The following CCDC15 variants were observed in gnomAD, a reference collection of about 807,000 sequenced individuals.
CCDC15 encodes coiled-coil domain-containing protein 15.
In CCDC15, 105 loss-of-function variants were observed where a neutral mutation model predicts 114.5. That is an observed-to-expected ratio of 0.92 (90% CI 0.78 to 1.08). CCDC15 has a LOEUF of 1.08. Ranked by LOEUF, CCDC15 falls within the 50% of genes least tolerant of loss-of-function variation. CCDC15 has a pLI of 0.00. For synonymous variants in CCDC15, 334 were observed against 377.8 expected, an observed-to-expected ratio of 0.88 and a Z score of 1.34; for missense variants, 1,105 against 1,093.6, an observed-to-expected ratio of 1.01 and a Z score of -0.15.
intron 4 of CCDC15, among the ~76,000 whole-genome samples, chr11:124,974,115 C>T (rs1170331036): frequency 6.6e-6 from 1 of 152,140 alleles, no homozygotes; most frequent in Non-Finnish European, 1.5e-5. Flanking sequence ...GCTGGGATTA[C>T]AGGTGTGCAC....
At chr11:124,964,767 G>A (rs1296018077) in intron 4 of CCDC15, among the ~76,000 whole-genome samples, 1 of 152,142 alleles carries the variant, frequency 6.6e-6, no homozygotes, top group Non-Finnish European at 1.5e-5. Context: ...GTATGATATT[G>A]GCTGTAGGTT....
intron 2 of CCDC15, among the ~76,000 whole-genome samples, chr11:124,956,512 G>A (rs1460936698): frequency 6.6e-6 from 1 of 152,024 alleles, no homozygotes; most frequent in Non-Finnish European, 1.5e-5. Flanking sequence ...GTAAGATTTG[G>A]TATAAAGATA....
intron 13 of CCDC15, among the ~76,000 whole-genome samples, chr11:125,025,859 G>C (rs1948698653): frequency 6.6e-6 from 1 of 152,012 alleles, no homozygotes; most frequent in South Asian, 2.1e-4. Flanking sequence ...TTATCAGCCT[G>C]ACTTAAGATT....
In CCDC15 at chr11:124,987,455, A is replaced by G. The variant is rs573462982; in HGVS notation, c.1229A>G (p.Gln410Arg). ...LEEGSIVLKT[Q>R]DFLPTNQALL... ...GAAGGGAGTATTGTGTTGAAAACCC[A>G]GGATTTTCTACCCACAAATCAGGCT... is the stretch of plus-strand genomic sequence containing the variant. The change falls in exon 8 of 16, where the codon CAG (glutamine) becomes CGG (arginine). Residue 410 changes from glutamine to arginine, a missense_variant. Coordinates refer to ENST00000344762, the MANE Select transcript of CCDC15 (RefSeq NM_025004.3). The G allele has an allele frequency of 6.2e-5, 100 of 1,614,008 alleles. 3 individuals carry two copies. The South Asian group carries it at 1.1e-3, about 18-fold the overall frequency.
intron 13 of CCDC15, among the ~76,000 whole-genome samples, chr11:125,006,435 T>G (rs921867142): frequency 6.6e-6 from 1 of 152,196 alleles, no homozygotes; most frequent in African/African-American, 2.4e-5. Flanking sequence ...TGAATAACAG[T>G]TCTTTATCAG....
At chr11:124,980,363 A>C (rs1948049724) in intron 6 of CCDC15, among the ~76,000 whole-genome samples, 1 of 152,084 alleles carries the variant, frequency 6.6e-6, no homozygotes, top group African/African-American at 2.4e-5. Context: ...CTTCTTTATA[A>C]CATCTGGTAG....
intron 6 of CCDC15, among the ~76,000 whole-genome samples, chr11:124,986,367 T>G (rs1320941739): frequency 6.6e-6 from 1 of 152,236 alleles, no homozygotes; most frequent in Non-Finnish European, 1.5e-5. Context: ...TATGATTAAC[T>G]TGTTAATTTC....
rs753488478 is a variant in CCDC15, at chr11:124,987,607, C to G, written c.1381C>G (p.Gln461Glu). 1 of 1,613,778 alleles carries G rather than the reference C, an allele frequency of 6.2e-7. No individual in the cohort carries two copies. The highest frequency in any genetic ancestry group is 8.5e-7 in the Non-Finnish European group (1 of 1,179,830). Residue 461 changes from glutamine (Q) to glutamate (E), a missense_variant, in exon 8 of 16, where the codon CAA becomes GAA. By Grantham distance (29) the Gln-to-Glu change is conservative. Transcript: ENST00000344762. The part of the protein sequence containing the change: ...PRDQHVLHKD[Q>E]DILPKYQDQN... Reference sequence around the variant, plus strand: ...AGACCAGCATGTTCTCCACAAAGACCAAGATATTCTGCCAAAATATCAGGA... The same window carrying G: ...AGACCAGCATGTTCTCCACAAAGACGAAGATATTCTGCCAAAATATCAGGA...
chr11:125,034,586 A>C (rs1166145672), intron 13 of CCDC15, among the ~76,000 whole-genome samples: 1 of 152,212 alleles, frequency 6.6e-6, no homozygotes, highest in Non-Finnish European at 1.5e-5. Context: ...GCAACCAACC[A>C]ACTTCATTAT....
intron 13 of CCDC15, among the ~76,000 whole-genome samples, chr11:125,014,339 A>T (rs1948614847): frequency 6.6e-6 from 1 of 152,238 alleles, no homozygotes; most frequent in Non-Finnish European, 1.5e-5. Flanking sequence ...GCCTCTAAAA[A>T]ATTAAAACAA....
chr11:124,967,292 T>C (rs1322083251), intron 4 of CCDC15, among the ~76,000 whole-genome samples: 1 of 152,242 alleles, frequency 6.6e-6, no homozygotes, highest in Non-Finnish European at 1.5e-5. Flanking sequence ...ATAGATTTGG[T>C]CTTTTCACAT....
Position 124,977,558 on chromosome 11 carries a change from T to C in CCDC15, c.711T>C (p.Gly237=), listed in dbSNP as rs1232217585. 3.1e-6 allele frequency: 5 copies of C among 1,609,336 alleles called. No homozygotes were observed. The African/African-American group carries it at 6.7e-5, about 22-fold the overall frequency. Residue 237 remains glycine (G), a synonymous_variant, in exon 6 of 16, where the codon GGT becomes GGC. Coordinates refer to ENST00000344762, the MANE Select transcript of CCDC15 (RefSeq NM_025004.3). The part of the protein sequence containing the change: ...RGELPIKVHQ[G]LLAAVPYQNY... The stretch of plus-strand genomic sequence containing the variant: ...AGTTGCCCATTAAGGTCCATCAAGG[T>C]CTTTTAGCTGCTGTACCTTACCAGA...
intron 2 of CCDC15, among the ~76,000 whole-genome samples, chr11:124,955,507 T>C (rs1005877749): frequency 6.6e-6 from 1 of 152,238 alleles, no homozygotes; most frequent in Non-Finnish European, 1.5e-5. Context: ...TAGTAGATTG[T>C]TTATATATCT....
At chr11:124,982,920 A>C (rs1948095641) in intron 6 of CCDC15, among the ~76,000 whole-genome samples, 1 of 152,218 alleles carries the variant, frequency 6.6e-6, no homozygotes, top group South Asian at 2.1e-4. Flanking sequence ...TTTCCCTCTC[A>C]GGGATGCCAA....
intron 13 of CCDC15, among the ~76,000 whole-genome samples, chr11:125,028,078 T>C (rs749800936): frequency 2.0e-5 from 3 of 152,218 alleles, no homozygotes; most frequent in Non-Finnish European, 4.4e-5. Flanking sequence ...TTCTCTATTG[T>C]GTTCCATTGG....
At chr11:124,989,234 C>T (rs1288338559) in intron 8 of CCDC15, among the ~76,000 whole-genome samples, 1 of 152,180 alleles carries the variant, frequency 6.6e-6, no homozygotes, top group Non-Finnish European at 1.5e-5. Context: ...CATCAGAGCT[C>T]TTGGGTGACT....
At chr11:125,033,785 C>T (rs942738434) in intron 13 of CCDC15, among the ~76,000 whole-genome samples, 2 of 152,190 alleles carry the variant, frequency 1.3e-5, no homozygotes, top group East Asian at 3.8e-4. Flanking sequence ...TGAGCTACAA[C>T]ATTAAATGTA....
At position 124,959,984 on chromosome 11, in the gene CCDC15, T is replaced by G; in HGVS notation, c.497T>G (p.Phe166Cys). The G allele has an allele frequency of 6.4e-7, 1 of 1,568,836 alleles. No individual in the cohort carries two copies. Among genetic ancestry groups the G allele is most frequent in the South Asian group, 1.2e-5 (1 of 85,078 alleles). ...IEDEENQNEL[F>C]QQQAQALSET... ...GATGAAGAGAATCAGAACGAATTATTCCAACAACAAGCCCAGGCTGTAAGT... is the reference window on the plus strand; with the variant it reads ...GATGAAGAGAATCAGAACGAATTATGCCAACAACAAGCCCAGGCTGTAAGT... The change falls in exon 4 of 16, where the codon TTC becomes TGC. Residue 166 changes from phenylalanine to cysteine, a missense_variant. By Grantham distance (205) the Phe-to-Cys change is radical. Transcript: ENST00000344762.
chr11:124,975,244 A>G (rs775529802), intron 5 of CCDC15, 35 bp downstream of exon 5: 6 of 1,268,060 alleles, frequency 4.7e-6, no homozygotes, highest in Non-Finnish European at 6.6e-6. Flanking sequence ...TTAAAAAAAT[A>G]CAGGTAAAAA....
Sources: gnomAD v4.1 joint callset for allele counts (sites outside exome capture counted in the v4.1 genomes callset) on GRCh38, gnomAD v4.1.1 for gene constraint, MANE v1.5 for transcripts, NCBI Gene and HGNC (gene_info 2026-07-23, HGNC 2026-07-21) for gene names.